The following PTPN12 variants were observed in gnomAD, a reference collection of about 807,000 sequenced individuals.
PTPN12 encodes tyrosine-protein phosphatase non-receptor type 12.
A neutral mutation model predicts 97.6 loss-of-function variants in PTPN12; 29 were observed. That is an observed-to-expected ratio of 0.30 (90% CI 0.22 to 0.41). The LOEUF is 0.41. PTPN12 is among the 10% of genes least tolerant of loss of function. PTPN12 has a pLI of 1.00. For synonymous variants in PTPN12, 327 were observed against 300.4 expected (o/e 1.09, Z -0.91); for missense variants, 819 against 926.0 (o/e 0.88, Z 1.50).
intron 7 of PTPN12, among the ~76,000 whole-genome samples, chr7:77,598,967 C>G (rs1282015270): frequency 1.3e-5 from 2 of 150,984 alleles, no homozygotes; most frequent in African/African-American, 4.9e-5. Context: ...ATAAAACAAG[C>G]TATATAAATA....
chr7:77,620,371 G>C (rs1285928027), intron 12 of PTPN12, among the ~76,000 whole-genome samples: 2 of 152,132 alleles, frequency 1.3e-5, no homozygotes, highest in Non-Finnish European at 2.9e-5. Context: ...ACTCAAGACA[G>C]ATTTTTATTA....
At chr7:77,599,043 G>A (rs925849073) in intron 7 of PTPN12, among the ~76,000 whole-genome samples, 1 of 151,256 alleles carries the variant, frequency 6.6e-6, no homozygotes, top group Non-Finnish European at 1.5e-5. Context: ...GATGAAATGA[G>A]AGTGTAATAT....
intron 6 of PTPN12, among the ~76,000 whole-genome samples, chr7:77,595,031 C>T (rs1787980925): frequency 1.3e-5 from 2 of 151,992 alleles, no homozygotes; most frequent in Non-Finnish European, 2.9e-5. Flanking sequence ...AGGTATATCT[C>T]TATAAATGGT....
chr7:77,627,463 T>C lies in PTPN12; in HGVS notation c.1784T>C (p.Leu595Pro), dbSNP rs747352589. 1 of 1,613,778 alleles carries C rather than the reference T, an allele frequency of 6.2e-7. No homozygotes were observed. Among genetic ancestry groups the C allele is most frequent in the East Asian group, 2.2e-5 (1 of 44,888 alleles). Residue 595 changes from leucine to proline, a missense_variant, in exon 13 of 18, where the codon CTC (leucine) becomes CCC (proline). Physicochemically the swap from Leu to Pro is moderately conservative, Grantham distance 98. This residue lies in a region of PTPN12 where 607 missense variants were observed against 577.3 expected (regional missense o/e 1.05). Transcript: ENST00000248594. ...DNTSPLFRTPLSFTNPLHSDD... is the reference protein window; with the variant it reads ...DNTSPLFRTPPSFTNPLHSDD... ...ACTTCACCACTCTTCAGAACACCCCTCAGTTTTACTAATCCACTTCACTCT... is the reference window on the plus strand; with the variant it reads ...ACTTCACCACTCTTCAGAACACCCCCCAGTTTTACTAATCCACTTCACTCT...
intron 6 of PTPN12, among the ~76,000 whole-genome samples, chr7:77,593,065 T>C (rs938449067): frequency 1.3e-5 from 2 of 152,034 alleles, no homozygotes; most frequent in African/African-American, 4.8e-5. Context: ...GGTCAGGAGT[T>C]CGAGACCAGC....
chr7:77,615,980 A>T (rs1221623203), intron 11 of PTPN12, among the ~76,000 whole-genome samples: 1 of 152,176 alleles, frequency 6.6e-6, no homozygotes, highest in Non-Finnish European at 1.5e-5. Context: ...ATCAGAGGAA[A>T]CTCAGTATGT....
chr7:77,637,700 T>TA (rs577488204), intron 16 of PTPN12, among the ~76,000 whole-genome samples: 2 of 150,390 alleles, frequency 1.3e-5, no homozygotes, highest in African/African-American at 4.9e-5. Context: ...CTACTAAAAA[T>TA]AAAAAAAATA....
At chr7:77,579,661 G>A (rs1787450456) in intron 2 of PTPN12, among the ~76,000 whole-genome samples, 1 of 152,086 alleles carries the variant, frequency 6.6e-6, no homozygotes, top group Non-Finnish European at 1.5e-5. Context: ...TAAATAAAAA[G>A]TTTTAAACAT....
chr7:77,538,060 C>T, intron 1 of PTPN12: 1 of 998,480 alleles, frequency 1.0e-6, no homozygotes, highest in Non-Finnish European at 1.2e-6. Flanking sequence ...CTGGCTGTGA[C>T]CGGGAGGAGT....
chr7:77,621,885 G>A (rs1253258959), intron 12 of PTPN12, among the ~76,000 whole-genome samples: 1 of 152,174 alleles, frequency 6.6e-6, no homozygotes, highest in East Asian at 1.9e-4. Flanking sequence ...ACCATGTTAT[G>A]TGTGGCCCAT....
At chr7:77,613,959 A>G (rs1316450853) in intron 11 of PTPN12, among the ~76,000 whole-genome samples, 1 of 152,094 alleles carries the variant, frequency 6.6e-6, no homozygotes, top group Non-Finnish European at 1.5e-5. Context: ...TGGAACAATC[A>G]GGGCTCACTG....
Position 77,573,088 on chromosome 7 carries a change from A to AAAAAAAAC in PTPN12, c.208+1909_208+1910insCAAAAAAA, listed in dbSNP as rs1787206661. On this transcript the variant is annotated intron_variant, in intron 2 of 17. Coordinates refer to ENST00000248594, the MANE Select transcript of PTPN12 (RefSeq NM_002835.4). ...ACAGAGTAAGACTCTATCTCAAAAA[A>AAAAAAAAC]AAAAAAAACAAAAAAACAAAAAAAA... Among the ~76,000 whole-genome samples, 6 of 112,542 alleles carry AAAAAAAAC rather than the reference A, an allele frequency of 5.3e-5. 2 individuals are homozygous for AAAAAAAAC. The South Asian group carries it at 1.7e-3, about 31-fold the overall frequency. 73.8% of individuals were successfully genotyped at this position (112,542 alleles called of 152,430 possible).
chr7:77,603,891 T>TTTTC (rs1417843441), intron 8 of PTPN12, among the ~76,000 whole-genome samples: 1 of 139,528 alleles, frequency 7.2e-6, no homozygotes, highest in African/African-American at 2.7e-5. Context: ...TGCTTTTTTT[T>TTTTC]TTTTTTTTTT....
chr7:77,616,119 A>C (rs927814714), intron 11 of PTPN12, among the ~76,000 whole-genome samples: 1 of 152,200 alleles, frequency 6.6e-6, no homozygotes, highest in Non-Finnish European at 1.5e-5. Context: ...GTGTTTGCCT[A>C]AAATGTCCTT....
chr7:77,608,647 C>T (rs1172213196), intron 9 of PTPN12, among the ~76,000 whole-genome samples: 2 of 152,036 alleles, frequency 1.3e-5, no homozygotes, highest in East Asian at 3.8e-4. Context: ...TTTCTTCCTT[C>T]TTCCCCTTAT....
chr7:77,537,656 C>G lies in PTPN12; in HGVS notation c.99+11C>G, dbSNP rs1262125477. On this transcript the variant is annotated intron_variant, in intron 1 of 17. Transcript: ENST00000248594. Reference sequence around the variant, plus strand: ...GCCCGGGACTTCATGGTGAGTCTCTCCCCTCGCTGTCGCGTTTTCTTGCCG... The same window carrying G: ...GCCCGGGACTTCATGGTGAGTCTCTGCCCTCGCTGTCGCGTTTTCTTGCCG... The G allele has an allele frequency of 1.3e-6, 2 of 1,582,330 alleles. No homozygotes were observed. Among genetic ancestry groups the G allele is most frequent in the South Asian group, 1.2e-5 (1 of 86,608 alleles).
chr7:77,546,994 A>T (rs1213840472), intron 1 of PTPN12, among the ~76,000 whole-genome samples: 1 of 152,228 alleles, frequency 6.6e-6, no homozygotes, highest in Non-Finnish European at 1.5e-5. Context: ...GACCATGATA[A>T]TCTCAGAGGC....
intron 8 of PTPN12, among the ~76,000 whole-genome samples, chr7:77,603,140 T>A (rs1788242178): frequency 6.6e-6 from 1 of 152,182 alleles, no homozygotes; most frequent in South Asian, 2.1e-4. Flanking sequence ...CAGTGGTTAG[T>A]TGACCATTTA....
At chr7:77,583,518 C>A (rs1787588792) in intron 3 of PTPN12, 37 bp from the exon 4 acceptor site, 3 of 1,313,034 alleles carry the variant, frequency 2.3e-6, no homozygotes, top group African/African-American at 1.5e-5. Flanking sequence ...TTTTGGTAAT[C>A]AAAATAAATG....
Sources: gnomAD v4.1 joint callset for allele counts (sites outside exome capture counted in the v4.1 genomes callset) on GRCh38, gnomAD v4.1.1 for gene constraint, gnomAD v4.1.1 regional missense constraint, MANE v1.5 for transcripts, NCBI Gene and HGNC (gene_info 2026-07-23, HGNC 2026-07-21) for gene names.